The following NALF1 variants were observed in gnomAD, a reference collection of about 807,000 sequenced individuals.
The protein encoded by NALF1 is NALCN channel auxiliary factor 1, also known as family with sequence similarity 155 member A.
In NALF1, 3 loss-of-function variants were observed where a neutral mutation model predicts 48.4. The observed-to-expected ratio is 0.06, with a 90% CI of 0.03 to 0.16. The LOEUF (loss-of-function observed/expected upper bound fraction) is 0.16, where lower values mean the gene tolerates loss of function less well. Among genes scored for constraint, NALF1 ranks in the 10% least tolerant of loss-of-function variants. The pLI is 1.00. For missense variants in NALF1, 526 were observed against 571.5 expected, an observed-to-expected ratio of 0.92 and a Z score of 0.81; for synonymous variants, 262 against 245.7, an observed-to-expected ratio of 1.07 and a Z score of -0.62.
chr13:107,820,152 T>C (rs76014049), intron 1 of NALF1, among the ~76,000 whole-genome samples: 2,808 of 152,278 alleles, frequency 0.018, 35 homozygotes, highest in Non-Finnish European at 0.03. Context: ...TCCTTGGCGG[T>C]TGACTGTTTA....
intron 1 of NALF1, among the ~76,000 whole-genome samples, chr13:107,675,071 T>G (rs1424784091): frequency 6.6e-6 from 1 of 152,152 alleles, no homozygotes; most frequent in Non-Finnish European, 1.5e-5. Context: ...ACTCAGCAGA[T>G]AGAGGCCAAG....
rs143562026 is a variant in NALF1, at chr13:107,412,084, C to T, written c.916-201329G>A. Among the ~76,000 whole-genome samples, 148 of 152,280 alleles carry T rather than the reference C, an allele frequency of 9.7e-4. 1 individual carries two copies. The highest frequency in any genetic ancestry group is 3.4e-3 in the African/African-American group (143 of 41,552). ...AGCTTATGAGTGTATGTTAAACTCA[C>T]ATCCTCACAGCGAAATGAGCTGTGA... On this transcript the variant is annotated intron_variant, in intron 1 of 2. Transcript: ENST00000375915.
At chr13:107,605,627 T>C (rs1947307849) in intron 1 of NALF1, among the ~76,000 whole-genome samples, 1 of 152,128 alleles carries the variant, frequency 6.6e-6, no homozygotes, top group South Asian at 2.1e-4. Flanking sequence ...TCTAACTTGA[T>C]CCTTCTTGGA....
intron 2 of NALF1, among the ~76,000 whole-genome samples, chr13:107,177,523 G>A (rs1878962913): frequency 6.6e-6 from 1 of 152,142 alleles, no homozygotes; most frequent in Admixed American, 6.5e-5. Context: ...CACCAAAACA[G>A]CATGATATTA....
At chr13:107,740,253 G>C (rs1020874910) in intron 1 of NALF1, among the ~76,000 whole-genome samples, 5 of 152,174 alleles carry the variant, frequency 3.3e-5, no homozygotes, top group African/African-American at 9.6e-5. Flanking sequence ...TGAATATATA[G>C]AAAACTAGGC....
At chr13:107,293,270 G>A (rs1033542461) in intron 1 of NALF1, among the ~76,000 whole-genome samples, 8 of 151,930 alleles carry the variant, frequency 5.3e-5, no homozygotes, top group African/African-American at 1.7e-4. Context: ...GTGAGCCACC[G>A]CGCTCAGCCA....
At chr13:107,636,811 C>T (rs1274767861) in intron 1 of NALF1, among the ~76,000 whole-genome samples, 1 of 151,082 alleles carries the variant, frequency 6.6e-6, no homozygotes, top group East Asian at 1.9e-4. Context: ...CTTAAAAGTA[C>T]ATAATATATG....
At chr13:107,246,467 C>A (rs1192792826) in intron 1 of NALF1, among the ~76,000 whole-genome samples, 1 of 152,170 alleles carries the variant, frequency 6.6e-6, no homozygotes, top group Non-Finnish European at 1.5e-5. Context: ...ATTATTTCAT[C>A]TTCTTCACTC....
chr13:107,448,588 A>C (rs1884689123), intron 1 of NALF1, among the ~76,000 whole-genome samples: 1 of 152,204 alleles, frequency 6.6e-6, no homozygotes, highest in Admixed American at 6.5e-5. Context: ...TGTCACATAT[A>C]CTGGCATTTT....
chr13:107,822,973 A>G (rs73587792), intron 1 of NALF1, among the ~76,000 whole-genome samples: 5,355 of 152,262 alleles, frequency 0.035, 347 homozygotes, highest in African/African-American at 0.12. Context: ...GTTTGCCAGT[A>G]GCCATAAAAA....
intron 1 of NALF1, among the ~76,000 whole-genome samples, chr13:107,226,157 C>G (rs1880104042): frequency 6.6e-6 from 1 of 152,078 alleles, no homozygotes; most frequent in Admixed American, 6.6e-5. Context: ...ACTACCTAAA[C>G]AGCAGAGCCT....
chr13:107,177,242 A>T (rs1463555297), intron 2 of NALF1, among the ~76,000 whole-genome samples: 1 of 152,234 alleles, frequency 6.6e-6, no homozygotes, highest in African/African-American at 2.4e-5. Flanking sequence ...AAGATATTCC[A>T]TGTTCATGGA....
rs1317329965 is a variant in NALF1 at position 107,861,788 on chromosome 13, A to C, written c.915+3894T>G. ...ACAGAGTGAGAACTATTTCTTTATG[A>C]ATCTTCAGTGTGTAACACTAAAATA... is the stretch of plus-strand genomic sequence containing the variant. On this transcript the variant is annotated intron_variant, in intron 1 of 2. Coordinates refer to ENST00000375915, the MANE Select transcript of NALF1 (RefSeq NM_001080396.3). Among the ~76,000 whole-genome samples, 3 of 152,250 alleles carry C rather than the reference A, an allele frequency of 2.0e-5. No homozygotes were observed. The East Asian group carries it at 5.8e-4, about 29-fold the overall frequency.
At chr13:107,435,426 G>A (rs1232479632) in intron 1 of NALF1, among the ~76,000 whole-genome samples, 2 of 152,110 alleles carry the variant, frequency 1.3e-5, no homozygotes, top group African/African-American at 4.8e-5. Context: ...CACGCAGACA[G>A]CTGTTTTGGC....
intron 1 of NALF1, among the ~76,000 whole-genome samples, chr13:107,541,647 T>C (rs1877002699): frequency 6.6e-6 from 1 of 152,098 alleles, no homozygotes; most frequent in African/African-American, 2.4e-5. Flanking sequence ...GTGATATATG[T>C]GTGTGTGTGC....
chr13:107,216,927 ATG>A (rs1427795964), intron 1 of NALF1, among the ~76,000 whole-genome samples: 1 of 152,194 alleles, frequency 6.6e-6, no homozygotes, highest in Non-Finnish European at 1.5e-5. Flanking sequence ...CAAATAGAGA[ATG>A]TGCCCATCCA....
intron 1 of NALF1, among the ~76,000 whole-genome samples, chr13:107,228,117 G>A (rs1317938577): frequency 6.6e-6 from 1 of 152,256 alleles, no homozygotes; most frequent in East Asian, 1.9e-4. Context: ...ATTAACAATT[G>A]TATCAATGGA....
intron 1 of NALF1, among the ~76,000 whole-genome samples, chr13:107,336,295 G>A (rs1277832592): frequency 6.6e-6 from 1 of 151,940 alleles, no homozygotes; most frequent in African/African-American, 2.4e-5. Context: ...GAAGGTTGCA[G>A]TGAGCTGAGA....
chr13:107,689,734 T>C (rs1390969426), intron 1 of NALF1, among the ~76,000 whole-genome samples: 1 of 152,208 alleles, frequency 6.6e-6, no homozygotes, highest in African/African-American at 2.4e-5. Flanking sequence ...AGAAAAAGTC[T>C]TAAGATTCTT....
Sources: allele counts gnomAD v4.1 joint callset (sites outside exome capture counted in the v4.1 genomes callset), GRCh38; gene constraint gnomAD v4.1.1; transcripts MANE v1.5; gene names NCBI Gene and HGNC (gene_info 2026-07-23, HGNC 2026-07-21).